DHRSX: variants seen among roughly 807,000 people sequenced by gnomAD.
DHRSX encodes the protein polyprenol dehydrogenase.
In DHRSX, 31 loss-of-function variants were observed where a neutral mutation model predicts 34.0. The observed-to-expected ratio is 0.91, with a 90% CI of 0.69 to 1.23. DHRSX has a LOEUF of 1.23. Among genes scored for constraint, DHRSX ranks in the 50% most tolerant of loss-of-function variants. The pLI, the probability that DHRSX is intolerant of heterozygous loss-of-function variation, is 0.00. For synonymous variants in DHRSX, 201 were observed against 183.8 expected, an observed-to-expected ratio of 1.09 and a Z score of -0.76; for missense variants, 414 against 428.1, an observed-to-expected ratio of 0.97 and a Z score of 0.29.
chrX:2,296,008 T>G (rs1005513597), intron 3 of DHRSX, among the ~76,000 whole-genome samples: 2 of 152,050 alleles, frequency 1.3e-5, no homozygotes, highest in African/African-American at 4.8e-5. Flanking sequence ...TTGGGGATCG[T>G]AAACGCAAAT....
chrX:2,298,606 A>ACACACACACACACACACACACACACGCG lies in DHRSX; in HGVS notation c.287-7004_287-7003insCGCGTGTGTGTGTGTGTGTGTGTGTGTG, dbSNP rs2041966036. Among the ~76,000 whole-genome samples the ACACACACACACACACACACACACACGCG allele has an allele frequency of 2.3e-4, 11 of 48,464 alleles. 1 individual carries two copies. Among genetic ancestry groups the ACACACACACACACACACACACACACGCG allele is most frequent in the African/African-American group, 6.2e-4 (11 of 17,712 alleles). 31.8% of individuals were successfully genotyped at this position (48,464 alleles called of 152,430 possible). A position where few individuals can be genotyped will look rare whatever the true frequency, so the allele number is the denominator to read the frequency against. The stretch of plus-strand genomic sequence containing the variant: ...TTCTCCTGCAGGCGCGTGTGTACAC[A>ACACACACACACACACACACACACACGCG]CACACACACACACACACACACACAC... On this transcript the variant is annotated intron_variant, in intron 3 of 6. Transcript: ENST00000334651.
At chrX:2,489,462 T>C (rs755357897) in intron 1 of DHRSX, 6 of 1,613,826 alleles carry the variant, frequency 3.7e-6, no homozygotes, top group East Asian at 2.2e-5. Flanking sequence ...TTCACCATGC[T>C]GATGGTGGGG....
intron 1 of DHRSX, among the ~76,000 whole-genome samples, chrX:2,438,261 G>C (rs1289043518): frequency 6.6e-6 from 1 of 151,080 alleles, no homozygotes; most frequent in Non-Finnish European, 1.5e-5. Flanking sequence ...GAGAGGGAGG[G>C]AGAGAGCAGC....
intron 3 of DHRSX, among the ~76,000 whole-genome samples, chrX:2,360,611 C>T (rs2042921778): frequency 6.6e-6 from 1 of 151,816 alleles, no homozygotes; most frequent in Non-Finnish European, 1.5e-5. Flanking sequence ...ATACACATCA[C>T]CCACCATTTC....
intron 6 of DHRSX, among the ~76,000 whole-genome samples, chrX:2,234,439 C>A: frequency 1.3e-5 from 2 of 151,806 alleles, no homozygotes; most frequent in Non-Finnish European, 2.9e-5. Context: ...GCTAGACCCA[C>A]ACACACACAT....
At chrX:2,329,529 G>A (rs2042430937) in intron 3 of DHRSX, among the ~76,000 whole-genome samples, 1 of 151,982 alleles carries the variant, frequency 6.6e-6, no homozygotes, top group Non-Finnish European at 1.5e-5. Flanking sequence ...TGGACAGGTG[G>A]GTACATCTAT....
At chrX:2,261,883 G>A (rs62595502) in intron 5 of DHRSX, 2 of 152,222 alleles carry the variant, frequency 1.3e-5, no homozygotes, top group Middle Eastern at 3.4e-3. Flanking sequence ...TACGAGGAAG[G>A]GGTGTTCCTG....
chrX:2,244,901 G>A (rs777299097), intron 5 of DHRSX, among the ~76,000 whole-genome samples: 2 of 151,928 alleles, frequency 1.3e-5, no homozygotes, highest in Admixed American at 6.6e-5. Context: ...TAGTAGAGAC[G>A]AGGTTTCACC....
intron 5 of DHRSX, among the ~76,000 whole-genome samples, chrX:2,243,836 A>C (rs1368016695): frequency 9.9e-5 from 9 of 90,560 alleles, no homozygotes; most frequent in South Asian, 4.5e-4. Flanking sequence ...ACAGATTCTC[A>C]CTCTGTCACC....
chrX:2,301,443 T>C (rs757168616), intron 3 of DHRSX, among the ~76,000 whole-genome samples: 2 of 152,216 alleles, frequency 1.3e-5, no homozygotes, highest in Non-Finnish European at 2.9e-5. Flanking sequence ...ACATGAATCA[T>C]TAGATATTAG....
intron 1 of DHRSX, among the ~76,000 whole-genome samples, chrX:2,459,575 T>C (rs866923610): frequency 8.7e-6 from 1 of 114,450 alleles, no homozygotes; most frequent in African/African-American, 3.8e-5. Context: ...TATATATATA[T>C]ATATACACAC....
chrX:2,268,627 ATG>A (rs1324519183), intron 4 of DHRSX, among the ~76,000 whole-genome samples: 1 of 149,748 alleles, frequency 6.7e-6, no homozygotes, highest in African/African-American at 2.6e-5. Context: ...TCTTTTACAT[ATG>A]TGTTGTATGC....
chrX:2,259,389 TATATAGATATATATATAG>T (rs1344925421), intron 5 of DHRSX, among the ~76,000 whole-genome samples: 3 of 60,044 alleles, frequency 5.0e-5, no homozygotes, highest in African/African-American at 1.6e-4. Context: ...TATATATAGA[TATATAGATATATATATAG>T]ATATAGATAT....
chrX:2,359,429 G>A (rs1357756084), intron 3 of DHRSX, among the ~76,000 whole-genome samples: 1 of 152,216 alleles, frequency 6.6e-6, no homozygotes, highest in Non-Finnish European at 1.5e-5. Context: ...TGTAATTCCA[G>A]CACTTTGGGA....
chrX:2,252,977 G>A (rs1174434582), intron 5 of DHRSX, among the ~76,000 whole-genome samples: 1 of 152,206 alleles, frequency 6.6e-6, no homozygotes, highest in East Asian at 1.9e-4. Context: ...CTTGAGCCCA[G>A]GAGTTCAAGA....
At chrX:2,414,892 C>T (rs1207331623) in intron 2 of DHRSX, among the ~76,000 whole-genome samples, 4 of 151,898 alleles carry the variant, frequency 2.6e-5, no homozygotes, top group Admixed American at 2.0e-4. Flanking sequence ...CTCATAATGA[C>T]CAATCCCACT....
intron 1 of DHRSX, among the ~76,000 whole-genome samples, chrX:2,432,866 G>A (rs2043944694): frequency 1.3e-5 from 2 of 152,198 alleles, no homozygotes; most frequent in Non-Finnish European, 2.9e-5. Flanking sequence ...GCTCATGCCT[G>A]TAATCCCAGC....
chrX:2,228,446 AGGGAAGGGAGGGAGGGAGGG>A (rs2015782834), intron 6 of DHRSX, among the ~76,000 whole-genome samples: 1 of 11,060 alleles, frequency 9.0e-5, no homozygotes, highest in Admixed American at 1.1e-3. Flanking sequence ...GGAGGGAGGG[AGGGAAGGGAGGGAGGGAGGG>A]AGGGAGGGAG....
At chrX:2,445,681 C>A (rs1364046934) in intron 1 of DHRSX, among the ~76,000 whole-genome samples, 1 of 146,484 alleles carries the variant, frequency 6.8e-6, no homozygotes. Flanking sequence ...TGTTCCCTAA[C>A]AATGTGGCCA....
Sources: allele counts gnomAD v4.1 joint callset (sites outside exome capture counted in the v4.1 genomes callset), GRCh38; gene constraint gnomAD v4.1.1; transcripts MANE v1.5; gene names NCBI Gene and HGNC (gene_info 2026-07-23, HGNC 2026-07-21).